Variants in HPSE2 observed in about 807,000 individuals in gnomAD.
The protein encoded by HPSE2 is heparanase 2 (inactive).
In HPSE2, 38 loss-of-function variants were observed where a neutral mutation model predicts 60.5. The ratio of observed to expected loss-of-function variants is 0.63; its 90% CI spans 0.48 to 0.82. HPSE2 has a LOEUF of 0.82. Ranked by LOEUF, HPSE2 falls within the 40% of genes least tolerant of loss-of-function variation. The probability of loss-of-function intolerance (pLI) is 0.00; values close to 1 mark genes in which losing one functional copy is unlikely to be tolerated. For synonymous variants in HPSE2, 295 were observed against 293.2 expected (o/e 1.01, Z -0.06); for missense variants, 713 against 740.4 (o/e 0.96, Z 0.43).
the HPSE2 span, among the ~76,000 whole-genome samples, chr10:99,242,958 C>A: frequency 0.018 from 2,771 of 152,198 alleles, 47 homozygotes; most frequent in Non-Finnish European, 0.026. Flanking sequence ...AAATTATATA[C>A]CTACAACCTA....
chr10:99,255,171 A>G, the HPSE2 span, among the ~76,000 whole-genome samples: 1 of 152,196 alleles, frequency 6.6e-6, no homozygotes, highest in Non-Finnish European at 1.5e-5. Context: ...AGACATTAGA[A>G]AAGTTACAGC....
chr10:98,526,558 T>A (rs978942478), intron 9 of HPSE2, among the ~76,000 whole-genome samples: 1 of 152,216 alleles, frequency 6.6e-6, no homozygotes, highest in Non-Finnish European at 1.5e-5. Context: ...TCAGGCAGCA[T>A]GGCATCTGCT....
intron 3 of HPSE2, among the ~76,000 whole-genome samples, chr10:99,071,303 C>T (rs1842782608): frequency 6.6e-6 from 1 of 152,078 alleles, no homozygotes; most frequent in Non-Finnish European, 1.5e-5. Flanking sequence ...CTCCTGACCT[C>T]AGGTGATCCA....
chr10:98,716,191 CACATTTTCAGGCT>C (rs751089180), intron 5 of HPSE2, among the ~76,000 whole-genome samples: 11 of 151,920 alleles, frequency 7.2e-5, no homozygotes, highest in Non-Finnish European at 1.5e-4. Flanking sequence ...ACAATCGAGT[CACATTTTCAGGCT>C]ACACTTCTAA....
At chr10:98,809,908 T>C (rs185646241) in intron 3 of HPSE2, among the ~76,000 whole-genome samples, 11 of 152,256 alleles carry the variant, frequency 7.2e-5, no homozygotes, top group Admixed American at 6.5e-4. Flanking sequence ...GAAAAGGTTT[T>C]ACTTAATTCT....
intron 6 of HPSE2, among the ~76,000 whole-genome samples, chr10:98,667,147 A>T (rs1368434824): frequency 6.6e-6 from 1 of 152,166 alleles, no homozygotes; most frequent in Non-Finnish European, 1.5e-5. Context: ...TATTATGAAC[A>T]CCTCTATGTA....
chr10:98,703,259 A>G (rs1246255704), intron 5 of HPSE2, among the ~76,000 whole-genome samples: 1 of 152,218 alleles, frequency 6.6e-6, no homozygotes, highest in Non-Finnish European at 1.5e-5. Context: ...TGAATAAACC[A>G]ATAGCAAGTA....
chr10:98,627,425 A>G (rs1287407101), intron 7 of HPSE2, among the ~76,000 whole-genome samples: 1 of 152,230 alleles, frequency 6.6e-6, no homozygotes, highest in East Asian at 1.9e-4. Context: ...TCCAGCCTGC[A>G]TGAGAGTCTC....
intron 3 of HPSE2, among the ~76,000 whole-genome samples, chr10:98,913,941 C>T (rs954720801): frequency 3.3e-5 from 5 of 152,106 alleles, no homozygotes; most frequent in Non-Finnish European, 4.4e-5. Context: ...CACTCATACG[C>T]TTTTTCTCTT....
chr10:99,050,120 G>A (rs1957955229), intron 3 of HPSE2, among the ~76,000 whole-genome samples: 2 of 152,250 alleles, frequency 1.3e-5, no homozygotes, highest in South Asian at 2.1e-4. Context: ...GCAACATAGT[G>A]AGACCTCATC....
At chr10:98,921,817 T>C (rs982326621) in intron 3 of HPSE2, among the ~76,000 whole-genome samples, 1 of 152,094 alleles carries the variant, frequency 6.6e-6, no homozygotes, top group African/African-American at 2.4e-5. Flanking sequence ...GGTGAATATC[T>C]TTCATGGAGT....
intron 2 of HPSE2, among the ~76,000 whole-genome samples, chr10:99,153,797 T>C (rs1000332073): frequency 4.6e-5 from 7 of 152,028 alleles, no homozygotes; most frequent in African/African-American, 1.7e-4. Context: ...GACGATCAAA[T>C]TACTCTGAGC....
chr10:98,664,594 CA>C (rs1189952410), intron 6 of HPSE2, among the ~76,000 whole-genome samples: 2 of 152,182 alleles, frequency 1.3e-5, no homozygotes, highest in African/African-American at 2.4e-5. Context: ...CGCTGAAATA[CA>C]AAAGAGCCCG....
chr10:99,235,897 C>A (rs999127498), upstream of HPSE2: 5 of 1,027,858 alleles, frequency 4.9e-6, no homozygotes, highest in Non-Finnish European at 7.5e-6. Flanking sequence ...TTTTTCCCCC[C>A]TTTTTTTCCC....
intron 2 of HPSE2, among the ~76,000 whole-genome samples, chr10:99,150,982 G>A (rs1001987534): frequency 6.6e-6 from 1 of 152,042 alleles, no homozygotes; most frequent in Non-Finnish European, 1.5e-5. Flanking sequence ...TGCAGACTCA[G>A]AGGCAAACCC....
intron 3 of HPSE2, among the ~76,000 whole-genome samples, chr10:99,041,223 G>A (rs1456642990): frequency 1.3e-5 from 2 of 152,150 alleles, no homozygotes; most frequent in Non-Finnish European, 2.9e-5. Context: ...CTCTCACAGA[G>A]AACAGAGTGG....
intron 3 of HPSE2, among the ~76,000 whole-genome samples, chr10:99,060,040 C>A (rs557885868): frequency 1.3e-5 from 2 of 151,496 alleles, no homozygotes; most frequent in African/African-American, 4.8e-5. Context: ...AATACAACAT[C>A]TCCCCACACA....
At chr10:98,719,923 C>G (rs1304286239) in intron 5 of HPSE2, among the ~76,000 whole-genome samples, 1 of 151,754 alleles carries the variant, frequency 6.6e-6, no homozygotes, top group Admixed American at 6.6e-5. Flanking sequence ...ATTGCTTGAA[C>G]CCAGGAGATG....
At chr10:98,958,795 T>C (rs550075229) in intron 3 of HPSE2, among the ~76,000 whole-genome samples, 1 of 152,242 alleles carries the variant, frequency 6.6e-6, no homozygotes, top group East Asian at 1.9e-4. Context: ...TTAAGCTACA[T>C]TAATATTAAA....
Sources: gnomAD v4.1 joint callset for allele counts (sites outside exome capture counted in the v4.1 genomes callset) on GRCh38, gnomAD v4.1.1 for gene constraint, MANE v1.5 for transcripts, NCBI Gene and HGNC (gene_info 2026-07-23, HGNC 2026-07-21) for gene names.